The following COL13A1 variants were observed in gnomAD, a reference collection of about 807,000 sequenced individuals.
COL13A1 encodes collagen alpha-1(XIII) chain.
In COL13A1, 89 loss-of-function variants were observed where a neutral mutation model predicts 130.9. The observed-to-expected ratio is 0.68, with a 90% confidence interval of 0.57 to 0.81. COL13A1 has a LOEUF of 0.81. COL13A1 is among the 30% of genes least tolerant of loss of function. The probability of loss-of-function intolerance (pLI) is 0.00; values close to 1 mark genes in which losing one functional copy is unlikely to be tolerated. For synonymous variants in COL13A1, 402 were observed against 341.6 expected (o/e 1.18, Z -1.95); for missense variants, 879 against 934.6 (o/e 0.94, Z 0.78).
chr10:69,851,010 C>G (rs1228886044), intron 2 of COL13A1, among the ~76,000 whole-genome samples: 1 of 151,778 alleles, frequency 6.6e-6, no homozygotes, highest in Non-Finnish European at 1.5e-5. Context: ...GATGGCACAG[C>G]ACAGCAGGCA....
At chr10:69,957,166 A>C (rs1053550294) in intron 40 of COL13A1, 124 bp downstream of exon 40, 33 of 801,112 alleles carry the variant, frequency 4.1e-5, no homozygotes, top group Non-Finnish European at 6.7e-5. Flanking sequence ...TCACTGTCTC[A>C]AAGGCAGGGT....
intron 13 of COL13A1, 87 bp downstream of exon 13, chr10:69,895,663 C>A: frequency 7.1e-7 from 1 of 1,405,770 alleles, no homozygotes; most frequent in South Asian, 1.2e-5. Flanking sequence ...CTGGGGTCTC[C>A]AGTTACTAAC....
At chr10:69,834,580 G>T (rs1849582130) in intron 2 of COL13A1, among the ~76,000 whole-genome samples, 1 of 152,154 alleles carries the variant, frequency 6.6e-6, no homozygotes, top group African/African-American at 2.4e-5. Context: ...ATGATGTAAG[G>T]CTATGGCTAT....
intron 37 of COL13A1, among the ~76,000 whole-genome samples, chr10:69,946,858 G>T (rs2068628788): frequency 6.6e-6 from 1 of 152,158 alleles, no homozygotes; most frequent in South Asian, 2.1e-4. Flanking sequence ...CATGATCTCG[G>T]CTCACTGCAA....
chr10:69,956,874 A>G, intron 39 of COL13A1, 130 bp from the exon 40 acceptor site: 1 of 692,296 alleles, frequency 1.4e-6, no homozygotes, highest in East Asian at 2.7e-5. Context: ...GAGAAAAGAA[A>G]TAGACAAGCG....
At chr10:69,822,274 C>A in intron 1 of COL13A1, 95 bp from the exon 2 acceptor site, 1 of 919,788 alleles carries the variant, frequency 1.1e-6, no homozygotes, top group Non-Finnish European at 1.6e-6. Context: ...GCCGGTTTCC[C>A]CCTCTTCCTG....
chr10:69,825,644 C>T (rs546803419), intron 2 of COL13A1, among the ~76,000 whole-genome samples: 4 of 152,328 alleles, frequency 2.6e-5, no homozygotes, highest in African/African-American at 9.6e-5. Context: ...AGATGGAAGC[C>T]TCGATCCTCA....
chr10:69,806,355 G>A (rs935717433), intron 1 of COL13A1, among the ~76,000 whole-genome samples: 6 of 152,194 alleles, frequency 3.9e-5, no homozygotes, highest in Admixed American at 1.3e-4. Flanking sequence ...AAGGGAGAGG[G>A]AGCTGCAGGG....
At position 69,930,092 on chromosome 10, in the gene COL13A1, G is replaced by T; in HGVS notation, c.1530+5G>T. The T allele has an allele frequency of 6.2e-7, 1 of 1,613,792 alleles. No individual in the cohort carries two copies. The highest frequency in any genetic ancestry group is 1.1e-5 in the South Asian group (1 of 91,044). On this transcript the variant is annotated splice_donor_5th_base_variant and intron_variant, in intron 29 of 40. Transcript: ENST00000645393. ...CCAGGACACGATGGGGAAAAGGTAT[G>T]AACAGACGTCCTCTGGTCAAACCTC...
chr10:69,813,446 G>C (rs1216881513), intron 1 of COL13A1, among the ~76,000 whole-genome samples: 1 of 152,174 alleles, frequency 6.6e-6, no homozygotes, highest in Non-Finnish European at 1.5e-5. Flanking sequence ...CATAGAGCCT[G>C]GGGCCACATC....
intron 7 of COL13A1, among the ~76,000 whole-genome samples, chr10:69,882,558 T>C (rs1439309074): frequency 6.6e-6 from 1 of 152,226 alleles, no homozygotes; most frequent in Non-Finnish European, 1.5e-5. Context: ...CACCAGCCCA[T>C]TTTACAGAGG....
chr10:69,818,711 T>A (rs1845257926), intron 1 of COL13A1, among the ~76,000 whole-genome samples: 1 of 152,152 alleles, frequency 6.6e-6, no homozygotes, highest in South Asian at 2.1e-4. Flanking sequence ...GGGGAGTCAA[T>A]GTTCAAGGGC....
At chr10:69,935,901 C>T (rs2066769832) in intron 32 of COL13A1, among the ~76,000 whole-genome samples, 2 of 150,602 alleles carry the variant, frequency 1.3e-5, no homozygotes, top group African/African-American at 5.0e-5. Flanking sequence ...ATCCCAGCTA[C>T]TCAAGAGGCT....
At chr10:69,811,530 T>A (rs1485045327) in intron 1 of COL13A1, among the ~76,000 whole-genome samples, 1 of 152,158 alleles carries the variant, frequency 6.6e-6, no homozygotes, top group Non-Finnish European at 1.5e-5. Flanking sequence ...AACTGGCACT[T>A]GAGGTTTCCT....
intron 31 of COL13A1, among the ~76,000 whole-genome samples, chr10:69,933,379 G>A (rs116774935): frequency 2.8e-4 from 42 of 152,262 alleles, no homozygotes; most frequent in African/African-American, 9.9e-4. Flanking sequence ...AAACAGAATG[G>A]CTGAGTGAGA....
intron 2 of COL13A1, among the ~76,000 whole-genome samples, chr10:69,861,776 T>C (rs972667312): frequency 6.6e-6 from 1 of 152,180 alleles, no homozygotes; most frequent in Non-Finnish European, 1.5e-5. Context: ...GGAGCTGTGA[T>C]TGATTATCAG....
intron 35 of COL13A1, among the ~76,000 whole-genome samples, chr10:69,941,828 A>G (rs3793818): frequency 0.27 from 41,619 of 152,024 alleles, 5,929 homozygotes; most frequent in African/African-American, 0.34. Context: ...TCTGAGGTCA[A>G]CCTTCCCAGG....
rs143520460 is a variant in COL13A1 at position 69,932,858 on chromosome 10, C to T, written c.1728+254C>T. 4.0e-3 allele frequency among the ~76,000 whole-genome samples: 615 copies of T among 152,172 alleles called. 2 individuals are homozygous for T. The highest frequency in any genetic ancestry group is 6.4e-3 in the Non-Finnish European group (438 of 68,016). ...AGATACGAAAATAAACAGAACTTGC[C>T]GGGCACGGTGGCTCACGCCTGTAAT... On this transcript the variant is annotated intron_variant, in intron 31 of 40. Coordinates refer to ENST00000645393, the MANE Select transcript of COL13A1 (RefSeq NM_001368882.1).
chr10:69,843,827 G>A (rs1250163803), intron 2 of COL13A1, among the ~76,000 whole-genome samples: 2 of 152,204 alleles, frequency 1.3e-5, no homozygotes, highest in Non-Finnish European at 2.9e-5. Flanking sequence ...CACGACCAGA[G>A]GTGCTACAGC....
Sources: allele counts gnomAD v4.1 joint callset (sites outside exome capture counted in the v4.1 genomes callset), GRCh38; gene constraint gnomAD v4.1.1; transcripts MANE v1.5; gene names NCBI Gene and HGNC (gene_info 2026-07-23, HGNC 2026-07-21).